The following DHX9 variants were observed in gnomAD, a reference collection of about 807,000 sequenced individuals.
DHX9 encodes the protein DExH-box helicase 9.
In DHX9, 27 loss-of-function variants were observed where a neutral mutation model predicts 148.7. That is an observed-to-expected ratio of 0.18 (90% confidence interval 0.13 to 0.25). DHX9 has a LOEUF of 0.25. Ranked by LOEUF, DHX9 falls within the 10% of genes least tolerant of loss-of-function variation. The pLI is 1.00. For synonymous variants in DHX9, 529 were observed against 516.6 expected (o/e 1.02, Z -0.33); for missense variants, 796 against 1,559.6 (o/e 0.51, Z 8.25).
intron 6 of DHX9, chr1:182,855,456 A>G (rs2102598110): frequency 4.3e-6 from 3 of 701,194 alleles, no homozygotes; most frequent in African/African-American, 1.9e-5. Context: ...ATTTAAAGGC[A>G]TAACAGACAG....
intron 21 of DHX9, among the ~76,000 whole-genome samples, chr1:182,879,772 C>T (rs1649005585): frequency 6.6e-6 from 1 of 152,198 alleles, no homozygotes; most frequent in Non-Finnish European, 1.5e-5. Context: ...ATTGCCCAGG[C>T]TGGAGTGCAG....
At chr1:182,869,227 CAG>C (rs1453482266) in intron 14 of DHX9, among the ~76,000 whole-genome samples, 1 of 152,186 alleles carries the variant, frequency 6.6e-6, no homozygotes, top group Non-Finnish European at 1.5e-5. Flanking sequence ...GTACTATTCA[CAG>C]TGAAACCTTG....
At chr1:182,856,013 G>C (rs1367018840) in intron 6 of DHX9, among the ~76,000 whole-genome samples, 2 of 152,244 alleles carry the variant, frequency 1.3e-5, no homozygotes, top group African/African-American at 4.8e-5. Context: ...TCCAACTGCA[G>C]GCAGATGTGA....
chr1:182,856,490 T>C (rs756467005), intron 6 of DHX9, 42 bp from the exon 7 acceptor site: 4 of 1,592,738 alleles, frequency 2.5e-6, no homozygotes, highest in African/African-American at 2.7e-5. Context: ...TGCTGGTTTC[T>C]AACAGTGAAA....
intron 14 of DHX9, among the ~76,000 whole-genome samples, chr1:182,870,914 TATG>T (rs1448798865): frequency 1.3e-5 from 2 of 152,176 alleles, no homozygotes; most frequent in Non-Finnish European, 2.9e-5. Flanking sequence ...TTATTTTTCT[TATG>T]GTGTGTTCAA....
At chr1:182,881,674 T>G (rs529931157) in intron 24 of DHX9, 27 bp downstream of exon 24, 1 of 1,566,046 alleles carries the variant, frequency 6.4e-7, no homozygotes, top group Non-Finnish European at 8.6e-7. Flanking sequence ...TCTTAAGATA[T>G]CTTTAAAGTG....
chr1:182,869,623 A>AGTCTTGTCTT (rs112615521), intron 14 of DHX9, among the ~76,000 whole-genome samples: 1 of 152,014 alleles, frequency 6.6e-6, no homozygotes, highest in African/African-American at 2.4e-5. Context: ...TGTCCAGTCC[A>AGTCTTGTCTT]GTCTTGTCTT....
At chr1:182,869,095 A>G (rs751341374) in intron 14 of DHX9, among the ~76,000 whole-genome samples, 38 of 152,210 alleles carry the variant, frequency 2.5e-4, no homozygotes, top group Admixed American at 8.5e-4. Flanking sequence ...GTATTTTTCT[A>G]AAACAGTAAG....
At chr1:182,868,630 C>T (rs1648408580) in intron 14 of DHX9, among the ~76,000 whole-genome samples, 1 of 150,374 alleles carries the variant, frequency 6.7e-6, no homozygotes, top group Non-Finnish European at 1.5e-5. Context: ...TTCTCCTTGC[C>T]TCAGCCTCCC....
At chr1:182,867,985 A>T (rs1449330466) in intron 14 of DHX9, among the ~76,000 whole-genome samples, 5 of 152,120 alleles carry the variant, frequency 3.3e-5, no homozygotes, top group African/African-American at 1.2e-4. Flanking sequence ...TCTAGTTTTT[A>T]TTTTTTTCTT....
chr1:182,878,117 T>C lies in DHX9; in HGVS notation c.2295T>C (p.Ala765=). The part of the protein sequence containing the change: ...KTNLEQRKGR[A]GRVRPGFCFH... ...ACCTTGAGCAACGGAAAGGGCGAGC[T>C]GGCCGAGTACGGCCTGGATTCTGCT... is the stretch of plus-strand genomic sequence containing the variant. The change falls in exon 20 of 28, where the codon GCT becomes GCC. Residue 765 remains alanine, a synonymous_variant. Transcript: ENST00000367549. 6.2e-7 allele frequency: 1 copy of C among 1,614,156 alleles called. No homozygotes were observed. Among genetic ancestry groups the C allele is most frequent in the Middle Eastern group, 1.6e-4 (1 of 6,062 alleles).
chr1:182,841,912 G>T (rs935988625), intron 1 of DHX9, among the ~76,000 whole-genome samples: 9 of 152,222 alleles, frequency 5.9e-5, no homozygotes, highest in East Asian at 5.8e-4. Flanking sequence ...ATAGGTTACC[G>T]TCTTCAGTAC....
chr1:182,850,922 C>T (rs1310521039), intron 3 of DHX9, among the ~76,000 whole-genome samples: 1 of 152,148 alleles, frequency 6.6e-6, no homozygotes, highest in Non-Finnish European at 1.5e-5. Context: ...GAAGTTACAT[C>T]AGACACCTCA....
chr1:182,874,155 ACTAC>A, intron 15 of DHX9, among the ~76,000 whole-genome samples: 1 of 152,350 alleles, frequency 6.6e-6, no homozygotes, highest in African/African-American at 2.4e-5. Flanking sequence ...GTGGGCCTAC[ACTAC>A]CTAACCCCTG....
At chr1:182,869,048 A>T (rs1648427034) in intron 14 of DHX9, among the ~76,000 whole-genome samples, 1 of 152,218 alleles carries the variant, frequency 6.6e-6, no homozygotes, top group Admixed American at 6.5e-5. Context: ...GGTTTAAATT[A>T]TTCCAAACAC....
At chr1:182,862,546 G>A (rs184642955) in intron 12 of DHX9, among the ~76,000 whole-genome samples, 7 of 152,314 alleles carry the variant, frequency 4.6e-5, no homozygotes, top group Admixed American at 2.6e-4. Context: ...TTCAGGATAA[G>A]AACGGTTCTT....
intron 15 of DHX9, among the ~76,000 whole-genome samples, chr1:182,873,986 G>GAA (rs952582808): frequency 6.6e-6 from 1 of 151,584 alleles, no homozygotes; most frequent in Non-Finnish European, 1.5e-5. Flanking sequence ...ACAGTTTGAG[G>GAA]AAAAAAAATA....
At chr1:182,853,154 T>G in intron 4 of DHX9, 152 bp from the exon 5 acceptor site, 1 of 562,186 alleles carries the variant, frequency 1.8e-6, no homozygotes, top group Middle Eastern at 4.9e-4. Context: ...CTCAAACTCC[T>G]GACCACACGT....
chr1:182,842,463 C>T (rs1667950371), intron 1 of DHX9, 82 bp from the exon 2 acceptor site: 1 of 720,992 alleles, frequency 1.4e-6, no homozygotes, highest in Non-Finnish European at 2.3e-6. Flanking sequence ...ATGTTTAACC[C>T]AGATTCAGTA....
Sources: gnomAD v4.1 joint callset for allele counts (sites outside exome capture counted in the v4.1 genomes callset) on GRCh38, gnomAD v4.1.1 for gene constraint, MANE v1.5 for transcripts, NCBI Gene and HGNC (gene_info 2026-07-23, HGNC 2026-07-21) for gene names.